Variants in SAMD3 observed in about 807,000 individuals in gnomAD.
SAMD3 encodes the protein sterile alpha motif domain-containing protein 3.
In SAMD3, 63 loss-of-function variants were observed where a neutral mutation model predicts 58.5. That is an observed-to-expected ratio of 1.08 (90% CI 0.88 to 1.33). The LOEUF (loss-of-function observed/expected upper bound fraction) is 1.33, where lower values mean the gene tolerates loss of function less well. Among genes scored for constraint, SAMD3 ranks in the 40% most tolerant of loss-of-function variants. The probability of loss-of-function intolerance (pLI) is 0.00; values close to 1 mark genes in which losing one functional copy is unlikely to be tolerated. For missense variants in SAMD3, 604 were observed against 608.4 expected (o/e 0.99, Z 0.08); for synonymous variants, 220 against 210.3 (o/e 1.05, Z -0.40).
chr6:130,157,065 G>A lies in SAMD3; in HGVS notation c.823-2040C>T, dbSNP rs530783593. Among the ~76,000 whole-genome samples the A allele has an allele frequency of 2.3e-3, 314 of 139,454 alleles. 2 individuals are homozygous for A. The highest frequency in any genetic ancestry group is 7.7e-3 in the African/African-American group (287 of 37,088). The allele number at this position is 139,454 out of a possible 152,430, so 91.5% of individuals were successfully genotyped here. A position where few individuals can be genotyped will look rare whatever the true frequency, so the allele number is the denominator to read the frequency against. ...AGCCTAGGCAACAGAGTGAGACTCC[G>A]TCTCAAAAAATAAATAAATAAATAA... is the stretch of plus-strand genomic sequence containing the variant. On this transcript the variant is annotated intron_variant, in intron 8 of 11. Coordinates refer to ENST00000439090, the MANE Select transcript of SAMD3 (RefSeq NM_001017373.4).
At chr6:130,346,829 C>A (rs960483286) in intron 1 of SAMD3, among the ~76,000 whole-genome samples, 3 of 152,284 alleles carry the variant, frequency 2.0e-5, no homozygotes, top group East Asian at 1.9e-4. Context: ...AGGCACCCCC[C>A]CAGTAGGGGT....
At chr6:130,258,722 T>C (rs997925713) in intron 2 of SAMD3, among the ~76,000 whole-genome samples, 1 of 152,172 alleles carries the variant, frequency 6.6e-6, no homozygotes, top group African/African-American at 2.4e-5. Flanking sequence ...TTAGCTTTCA[T>C]TTTTTAGAAT....
At chr6:130,227,158 A>G (rs944576685), upstream of SAMD3, among the ~76,000 whole-genome samples, 1 of 152,068 alleles carries the variant, frequency 6.6e-6, no homozygotes, top group Non-Finnish European at 1.5e-5. Context: ...GATGACCATT[A>G]TTTTGCTTTC....
At chr6:130,276,691 CAA>C (rs1425190473) in intron 2 of SAMD3, among the ~76,000 whole-genome samples, 99 of 152,018 alleles carry the variant, frequency 6.5e-4, no homozygotes, top group Admixed American at 2.1e-3. Context: ...CAAATAAAAC[CAA>C]TTCACTGAGA....
chr6:130,325,784 G>A (rs1776737923), intron 1 of SAMD3, among the ~76,000 whole-genome samples: 1 of 152,106 alleles, frequency 6.6e-6, no homozygotes, highest in Non-Finnish European at 1.5e-5. Flanking sequence ...CGAGTGTTTT[G>A]AGTTCAATGT....
chr6:130,212,644 A>G (rs1400949717), intron 4 of SAMD3, among the ~76,000 whole-genome samples: 2 of 152,260 alleles, frequency 1.3e-5, no homozygotes, highest in East Asian at 3.8e-4. Context: ...CCAAGTCAGT[A>G]GTAGAACCAG....
intron 2 of SAMD3, among the ~76,000 whole-genome samples, chr6:130,287,093 C>T (rs4895874): frequency 0.15 from 22,235 of 152,148 alleles, 2,057 homozygotes; most frequent in East Asian, 0.36. Flanking sequence ...TCTTACCTAT[C>T]GTTTTGCTTG....
chr6:130,223,183 C>T (rs1204953798), upstream of SAMD3, among the ~76,000 whole-genome samples: 1 of 152,174 alleles, frequency 6.6e-6, no homozygotes, highest in Admixed American at 6.5e-5. Context: ...TTTCCTATAT[C>T]AATCTTAAGG....
At position 130,161,365 on chromosome 6, in the gene SAMD3, A is replaced by C. The variant is rs146592801; in HGVS notation, c.823-6340T>G. 301 of 152,342 alleles carry C rather than the reference A, an allele frequency of 2.0e-3. 2 individuals are homozygous for C. Among genetic ancestry groups the C allele is most frequent in the African/African-American group, 6.9e-3 (287 of 41,580 alleles). The allele number at this position is 152,342 out of a possible 1,614,324, so 9.4% of individuals were successfully genotyped here. ...CTAAATGGCTTTCTTTCATCTACTG[A>C]AATATAGTAGAAGTTATATAATTGC... On this transcript the variant is annotated intron_variant, in intron 8 of 11. Transcript: ENST00000439090.
intron 2 of SAMD3, among the ~76,000 whole-genome samples, chr6:130,255,933 T>C (rs981762996): frequency 3.3e-5 from 5 of 152,058 alleles, no homozygotes; most frequent in African/African-American, 1.2e-4. Context: ...AAAGTAATTA[T>C]TGATAAGCAA....
chr6:130,214,507 G>C lies in SAMD3; in HGVS notation c.99C>G (p.Ala33=). Residue 33 remains alanine, a synonymous_variant, in exon 4 of 12, where the codon GCC becomes GCG. Coordinates refer to ENST00000439090, the MANE Select transcript of SAMD3 (RefSeq NM_001017373.4). ...HRFQEEEVSG[A]ALLALNDRMV... Reference sequence around the variant, plus strand: ...TCCGATCATTAAGTGCAAGAAGAGCGGCCCCACTTACTTCTTCCTCTGGGA... The same window carrying C: ...TCCGATCATTAAGTGCAAGAAGAGCCGCCCCACTTACTTCTTCCTCTGGGA... The C allele has an allele frequency of 6.3e-7, 1 of 1,590,564 alleles. No individual in the cohort carries two copies. The highest frequency in any genetic ancestry group is 1.4e-5 in the African/African-American group (1 of 73,728).
chr6:130,168,030 G>T, intron 8 of SAMD3, among the ~76,000 whole-genome samples: 1 of 152,176 alleles, frequency 6.6e-6, no homozygotes, highest in South Asian at 2.1e-4. Context: ...ATGGCAAAGA[G>T]AATGCAGTGG....
intron 2 of SAMD3, among the ~76,000 whole-genome samples, chr6:130,235,756 A>T (rs1773128176): frequency 6.6e-6 from 1 of 152,206 alleles, no homozygotes; most frequent in Non-Finnish European, 1.5e-5. Context: ...TTTTATGTTC[A>T]AATTATGTAG....
At chr6:130,267,021 G>A (rs1010988916) in intron 2 of SAMD3, among the ~76,000 whole-genome samples, 18 of 152,296 alleles carry the variant, frequency 1.2e-4, no homozygotes, top group African/African-American at 4.1e-4. Flanking sequence ...CTAGCCCGGT[G>A]AGAAACTCAG....
chr6:130,159,765 T>G (rs1790118580), intron 8 of SAMD3: 1 of 151,828 alleles, frequency 6.6e-6, no homozygotes, highest in South Asian at 2.1e-4. Flanking sequence ...AGGAGTAGAA[T>G]ACAGAATATA....
chr6:130,268,916 T>C (rs187759775), intron 2 of SAMD3, among the ~76,000 whole-genome samples: 2 of 152,342 alleles, frequency 1.3e-5, no homozygotes, highest in African/African-American at 2.4e-5. Flanking sequence ...CTTGCCTTTT[T>C]ATCCTCTTAA....
chr6:130,211,069 G>A (rs1364646353), intron 4 of SAMD3, among the ~76,000 whole-genome samples: 2 of 151,750 alleles, frequency 1.3e-5, no homozygotes, highest in Non-Finnish European at 2.9e-5. Context: ...GCAGTGAGCC[G>A]AGACAGCACC....
intron 1 of SAMD3, among the ~76,000 whole-genome samples, chr6:130,322,664 T>C (rs139225270): frequency 2.0e-4 from 30 of 152,138 alleles, no homozygotes; most frequent in Admixed American, 5.9e-4. Context: ...CCAAAGCAAA[T>C]GGTTCAATGG....
intron 2 of SAMD3, among the ~76,000 whole-genome samples, chr6:130,253,538 C>A (rs1027336330): frequency 6.6e-6 from 1 of 152,046 alleles, no homozygotes; most frequent in Non-Finnish European, 1.5e-5. Flanking sequence ...CAGAAGTCTT[C>A]TGACAGTTAA....
Sources: gnomAD v4.1 joint callset for allele counts (sites outside exome capture counted in the v4.1 genomes callset) on GRCh38, gnomAD v4.1.1 for gene constraint, MANE v1.5 for transcripts, NCBI Gene and HGNC (gene_info 2026-07-23, HGNC 2026-07-21) for gene names.